Variants in OIP5 observed in about 807,000 individuals in gnomAD.
The protein encoded by OIP5 is Opa interacting protein 5.
Under a neutral mutation model 20.3 loss-of-function variants are expected in OIP5, and 24 were observed. That is an observed-to-expected ratio of 1.18 (90% CI 0.86 to 1.66). The LOEUF (loss-of-function observed/expected upper bound fraction) is 1.66. Ranked by LOEUF, OIP5 falls within the 40% of genes most tolerant of loss-of-function variation. The probability of loss-of-function intolerance (pLI) is 0.00; values close to 1 mark genes in which losing one functional copy is unlikely to be tolerated. For missense variants in OIP5, 339 were observed against 289.5 expected (o/e 1.17, Z -1.24); for synonymous variants, 143 against 121.3 (o/e 1.18, Z -1.17).
At chr15:41,328,887 G>A (rs542717354) in intron 2 of OIP5, among the ~76,000 whole-genome samples, 3 of 151,644 alleles carry the variant, frequency 2.0e-5, no homozygotes, top group South Asian at 2.1e-4. Flanking sequence ...GTGAAACCCC[G>A]TCTCTACTAA....
At chr15:41,317,512 T>C (rs2047795591) in intron 3 of OIP5, among the ~76,000 whole-genome samples, 1 of 151,886 alleles carries the variant, frequency 6.6e-6, no homozygotes, top group Non-Finnish European at 1.5e-5. Context: ...CCCAAGTAGC[T>C]AGGATTACAG....
intron 4 of OIP5, among the ~76,000 whole-genome samples, chr15:41,310,717 G>T (rs2047748820): frequency 6.6e-6 from 1 of 152,006 alleles, no homozygotes; most frequent in Admixed American, 6.5e-5. Context: ...CTGTGAAGAT[G>T]AATAAAGTCT....
chr15:41,312,114 A>G lies in OIP5; in HGVS notation c.594+1159T>C, dbSNP rs2047759321. On this transcript the variant is annotated intron_variant, in intron 4 of 4. Transcript: ENST00000220514. Reference sequence around the variant, plus strand: ...GGTGATCTGCCTGCCTCAGCCTCCCAAAGTGCTGGGATTACAGGCATAAGC... The same window carrying G: ...GGTGATCTGCCTGCCTCAGCCTCCCGAAGTGCTGGGATTACAGGCATAAGC... Among the ~76,000 whole-genome samples the G allele has an allele frequency of 1.5e-5, 2 of 137,040 alleles. 1 individual carries two copies. The highest frequency in any genetic ancestry group is 4.7e-4 in the South Asian group (2 of 4,252). The allele number at this position is 137,040 out of a possible 152,430, so 89.9% of individuals were successfully genotyped here.
At chr15:41,325,160 T>C (rs2047853919) in intron 2 of OIP5, among the ~76,000 whole-genome samples, 1 of 151,964 alleles carries the variant, frequency 6.6e-6, no homozygotes, top group Non-Finnish European at 1.5e-5. Flanking sequence ...ATCCCAGCAC[T>C]CTGGGAGGCC....
chr15:41,319,644 C>A lies in OIP5; in HGVS notation c.512+14G>T, dbSNP rs762972812. On this transcript the variant is annotated intron_variant, in intron 3 of 4. Transcript: ENST00000220514. Reference sequence around the variant, plus strand: ...ATAAAATGTATTTGATGATCAATATCTAAGTCTACTCACCACACCATTTTG... The same window carrying A: ...ATAAAATGTATTTGATGATCAATATATAAGTCTACTCACCACACCATTTTG... The A allele has an allele frequency of 4.4e-6, 7 of 1,596,332 alleles. No individual in the cohort carries two copies. In the South Asian group the frequency reaches 8.0e-5, roughly 18 times the overall value.
intron 3 of OIP5, among the ~76,000 whole-genome samples, chr15:41,316,138 A>G (rs772550764): frequency 4.3e-5 from 4 of 92,986 alleles, no homozygotes; most frequent in East Asian, 4.1e-4. Flanking sequence ...CGTCTCAAAG[A>G]AAAAAAAAAA....
At chr15:41,326,522 C>G (rs2047862471) in intron 2 of OIP5, among the ~76,000 whole-genome samples, 1 of 152,190 alleles carries the variant, frequency 6.6e-6, no homozygotes, top group Non-Finnish European at 1.5e-5. Flanking sequence ...CTCCTAGGTT[C>G]AAGTGATTCT....
chr15:41,319,789 G>A lies in OIP5; in HGVS notation c.390-9C>T, dbSNP rs1364468642. The A allele has an allele frequency of 6.3e-7, 1 of 1,594,746 alleles. No individual in the cohort carries two copies. The highest frequency in any genetic ancestry group is 8.5e-7 in the Non-Finnish European group (1 of 1,172,646). ...ATAAAAGGTTGTAAGTACTAGGGGT[G>A]GGGAAAAACACAATATGGGTAAGAA... On this transcript the variant is annotated splice_polypyrimidine_tract_variant and intron_variant, in intron 2 of 4. Transcript: ENST00000220514.
rs922056184 is a variant in OIP5, at chr15:41,321,635, T to C, written c.390-1855A>G. 8.5e-5 allele frequency among the ~76,000 whole-genome samples: 13 copies of C among 152,196 alleles called. No individual in the cohort carries two copies. The South Asian group carries it at 1.0e-3, about 12-fold the overall frequency. On this transcript the variant is annotated intron_variant, in intron 2 of 4. Transcript: ENST00000220514. ...ATCTATGACCTTACCCCCAATCCTGTGCTCTCTGAAACATGTGCTGTGTCC... is the reference window on the plus strand; with the variant it reads ...ATCTATGACCTTACCCCCAATCCTGCGCTCTCTGAAACATGTGCTGTGTCC...
At chr15:41,321,654 T>C (rs2047829771) in intron 2 of OIP5, among the ~76,000 whole-genome samples, 1 of 152,040 alleles carries the variant, frequency 6.6e-6, no homozygotes, top group Admixed American at 6.6e-5. Flanking sequence ...AAACATGTGC[T>C]GTGTCCACTC....
At chr15:41,319,127 G>A (rs2047806362) in intron 3 of OIP5, among the ~76,000 whole-genome samples, 1 of 150,494 alleles carries the variant, frequency 6.6e-6, no homozygotes, top group Admixed American at 6.6e-5. Flanking sequence ...CTGGAGTGTA[G>A]TGGTGCAATC....
intron 4 of OIP5, among the ~76,000 whole-genome samples, chr15:41,311,695 G>A (rs981491493): frequency 2.0e-5 from 3 of 150,378 alleles, no homozygotes; most frequent in African/African-American, 7.4e-5. Context: ...AGCCTCCTGA[G>A]TAGCTGGGGC....
In OIP5 at chr15:41,309,773, T is replaced by C; in HGVS notation, c.671A>G (p.Gln224Arg). The change falls in exon 5 of 5, where the codon CAG (glutamine) becomes CGG (arginine). Residue 224 changes from glutamine to arginine, a missense_variant. Physicochemically the swap from Gln to Arg is conservative, Grantham distance 43 (BLOSUM62 1). Coordinates refer to ENST00000220514, the MANE Select transcript of OIP5 (RefSeq NM_007280.2). ...MKILSEVTPD[Q>R]SKPEN is the part of the protein sequence containing the mutation. ...ACAGGATCAGTTTTCTGGCTTGGAC[T>C]GGTCAGGAGTCACTTCACTCAGAAT... The C allele has an allele frequency of 1.2e-6, 2 of 1,613,508 alleles. No individual in the cohort carries two copies. The highest frequency in any genetic ancestry group is 3.3e-5 in the Admixed American group (2 of 59,998).
intron 2 of OIP5, among the ~76,000 whole-genome samples, chr15:41,326,995 T>C (rs1198078802): frequency 6.6e-6 from 1 of 151,498 alleles, no homozygotes; most frequent in Non-Finnish European, 1.5e-5. Flanking sequence ...AGTCTGTGAA[T>C]CTACAAGACA....
At chr15:41,318,414 A>G (rs951666818) in intron 3 of OIP5, among the ~76,000 whole-genome samples, 7 of 152,098 alleles carry the variant, frequency 4.6e-5, no homozygotes, top group Non-Finnish European at 5.9e-5. Flanking sequence ...CCCCGACCTC[A>G]GCCTCCCAAA....
intron 4 of OIP5, among the ~76,000 whole-genome samples, chr15:41,311,826 A>AC (rs1555423859): frequency 1.2e-4 from 17 of 144,688 alleles, no homozygotes; most frequent in South Asian, 2.2e-4. Context: ...TCGGCTTCTC[A>AC]AAGTGCTGGG....
Position 41,319,642 on chromosome 15 carries a change from A to G in OIP5, c.512+16T>C, listed in dbSNP as rs2140461869. ...AAATAAAATGTATTTGATGATCAAT[A>G]TCTAAGTCTACTCACCACACCATTT... On this transcript the variant is annotated intron_variant, in intron 3 of 4. Transcript: ENST00000220514. 1 of 1,594,918 alleles carries G rather than the reference A, an allele frequency of 6.3e-7. No homozygotes were observed. The highest frequency in any genetic ancestry group is 8.5e-7 in the Non-Finnish European group (1 of 1,174,484).
intron 2 of OIP5, among the ~76,000 whole-genome samples, chr15:41,330,562 C>T (rs902024471): frequency 6.6e-6 from 1 of 151,956 alleles, no homozygotes; most frequent in African/African-American, 2.4e-5. Context: ...CGCCACTATG[C>T]CTGGCTAATT....
At chr15:41,328,459 A>C (rs995634349) in intron 2 of OIP5, among the ~76,000 whole-genome samples, 2 of 152,256 alleles carry the variant, frequency 1.3e-5, no homozygotes, top group African/African-American at 4.8e-5. Context: ...CTTCACTTAT[A>C]ATACAAACAA....
Sources: gnomAD v4.1 joint callset for allele counts (sites outside exome capture counted in the v4.1 genomes callset) on GRCh38, gnomAD v4.1.1 for gene constraint, MANE v1.5 for transcripts, NCBI Gene and HGNC (gene_info 2026-07-23, HGNC 2026-07-21) for gene names.